The following ZFC3H1 variants were observed in gnomAD, a reference collection of about 807,000 sequenced individuals.
ZFC3H1 encodes the protein zinc finger C3H1-type containing, also known as zinc finger C3H1 domain-containing protein.
A neutral mutation model predicts 243.7 loss-of-function variants in ZFC3H1; 71 were observed. That is an observed-to-expected ratio of 0.29 (90% CI 0.24 to 0.36). The LOEUF is 0.36. ZFC3H1 is among the 10% of genes least tolerant of loss of function. ZFC3H1 has a pLI of 1.00. For missense variants in ZFC3H1, 1,966 were observed against 2,317.1 expected (o/e 0.85, Z 3.11); for synonymous variants, 838 against 813.0 (o/e 1.03, Z -0.52).
intron 1 of ZFC3H1, among the ~76,000 whole-genome samples, chr12:71,658,281 G>C (rs987692113): frequency 3.2e-5 from 4 of 124,968 alleles, no homozygotes; most frequent in African/African-American, 1.0e-4. Flanking sequence ...ATCATTTATA[G>C]ATTTTTTTTT....
In ZFC3H1 at chr12:71,627,911, T is replaced by A; in HGVS notation, c.3970A>T (p.Asn1324Tyr). The A allele has an allele frequency of 1.2e-6, 2 of 1,612,688 alleles. No homozygotes were observed. Among genetic ancestry groups the A allele is most frequent in the Non-Finnish European group, 1.7e-6 (2 of 1,179,652 alleles). Residue 1324 changes from asparagine to tyrosine, a missense_variant, in exon 21 of 35, where the codon AAT becomes TAT. Asn to Tyr is a moderately radical substitution (Grantham distance 143, BLOSUM62 -2). Coordinates refer to ENST00000378743, the MANE Select transcript of ZFC3H1 (RefSeq NM_144982.5). The part of the protein sequence containing the change: ...KYAFQPENQI[N>Y]VPALDTVVTP... Reference sequence around the variant, plus strand: ...ACAACTGTATCCAGAGCTGGAACATTTATTTGGTTCTCTGGCTGGAAAGCT... The same window carrying A: ...ACAACTGTATCCAGAGCTGGAACATATATTTGGTTCTCTGGCTGGAAAGCT...
rs1343578284 is a variant in ZFC3H1 at position 71,645,037 on chromosome 12, C to T, written c.1119G>A (p.Gln373=). The change falls in exon 4 of 35, where the codon CAG becomes CAA. Residue 373 remains glutamine (Q), a synonymous_variant. Transcript: ENST00000378743. ...GEDEEELSEL[Q]LRLLALQSAS... is the part of the protein sequence containing the mutation. ...CTGACTGAAGAGCCAAAAGGCGAAGCTGTAATTCAGATAGTTCCTCTTCAT... is the reference window on the plus strand; with the variant it reads ...CTGACTGAAGAGCCAAAAGGCGAAGTTGTAATTCAGATAGTTCCTCTTCAT... 25 of 1,613,492 alleles carry T rather than the reference C, an allele frequency of 1.5e-5. No homozygotes were observed. The highest frequency in any genetic ancestry group is 7.6e-6 in the Non-Finnish European group (9 of 1,179,958).
chr12:71,647,610 G>A, intron 3 of ZFC3H1, 139 bp downstream of exon 3: 2 of 531,462 alleles, frequency 3.8e-6, no homozygotes, highest in Non-Finnish European at 6.5e-6. Context: ...TTTCTTTAAG[G>A]CTTATGTCCA....
chr12:71,619,250 T>C, intron 27 of ZFC3H1, 65 bp downstream of exon 27: 1 of 1,434,004 alleles, frequency 7.0e-7, no homozygotes, highest in South Asian at 1.4e-5. Flanking sequence ...AGAAAAAAAC[T>C]GTAATCTTTC....
At chr12:71,641,557 C>A (rs1160067924) in intron 6 of ZFC3H1, among the ~76,000 whole-genome samples, 1 of 152,174 alleles carries the variant, frequency 6.6e-6, no homozygotes, top group Non-Finnish European at 1.5e-5. Context: ...CACAGCCAAT[C>A]ACCCCTGAAC....
chr12:71,614,818 G>C lies in ZFC3H1; in HGVS notation c.5360+16C>G. The C allele has an allele frequency of 6.2e-7, 1 of 1,609,472 alleles. No individual in the cohort carries two copies. The highest frequency in any genetic ancestry group is 8.5e-7 in the Non-Finnish European group (1 of 1,177,270). On this transcript the variant is annotated intron_variant, in intron 29 of 34. Coordinates refer to ENST00000378743, the MANE Select transcript of ZFC3H1 (RefSeq NM_144982.5). ...TATCCCCAAATCTCATTCTTATCAAGAAAACCTAAACTTACTCCATCCATA... is the reference window on the plus strand; with the variant it reads ...TATCCCCAAATCTCATTCTTATCAACAAAACCTAAACTTACTCCATCCATA...
At chr12:71,651,319 G>A (rs1592601627) in intron 2 of ZFC3H1, among the ~76,000 whole-genome samples, 1 of 152,076 alleles carries the variant, frequency 6.6e-6, no homozygotes, top group East Asian at 1.9e-4. Context: ...ACACCATGCT[G>A]ACCACCCTAT....
chr12:71,620,019 A>G lies in ZFC3H1; in HGVS notation c.4956T>C (p.His1652=). The change falls in exon 26 of 35, where the codon CAT becomes CAC. Residue 1652 remains histidine, a synonymous_variant. Transcript: ENST00000378743. ...TAAGCCACACTGCTCTGGCTTTGTC[A>G]TGCTGATTTGTTTGCAAATATAATG... The part of the protein sequence containing the change: ...LVALYLQTNQ[H]DKARAVWLTA... 6.2e-7 allele frequency: 1 copy of G among 1,613,764 alleles called. No individual in the cohort carries two copies. Among genetic ancestry groups the G allele is most frequent in the South Asian group, 1.1e-5 (1 of 90,928 alleles).
Position 71,644,109 on chromosome 12 carries a change from T to C in ZFC3H1, c.1489A>G (p.Arg497Gly), listed in dbSNP as rs1329053545. ...GCATTTCTTACTTTACTTCTTGATC[T>C]CCTCTTGCCACCAACCAATTTCATG... ...RFMKLVGGKRRSRSKSSDPDL... is the reference protein window; with the variant it reads ...RFMKLVGGKRGSRSKSSDPDL... Residue 497 changes from arginine (R) to glycine (G), a missense_variant, in exon 5 of 35, where the codon AGA becomes GGA. Coordinates refer to ENST00000378743, the MANE Select transcript of ZFC3H1 (RefSeq NM_144982.5). 1 of 1,611,618 alleles carries C rather than the reference T, an allele frequency of 6.2e-7. No homozygotes were observed. Among genetic ancestry groups the C allele is most frequent in the African/African-American group, 1.3e-5 (1 of 74,824 alleles).
intron 1 of ZFC3H1, among the ~76,000 whole-genome samples, chr12:71,662,297 C>T (rs1038595768): frequency 3.3e-5 from 5 of 152,192 alleles, no homozygotes; most frequent in Non-Finnish European, 7.3e-5. Context: ...TTCCTCCACT[C>T]TAACGTATTA....
rs1160120325 is a variant in ZFC3H1, at chr12:71,663,565, G to C, written c.46C>G (p.Pro16Ala). 5.6e-6 allele frequency: 9 copies of C among 1,612,798 alleles called. No homozygotes were observed. Among genetic ancestry groups the C allele is most frequent in the Non-Finnish European group, 7.6e-6 (9 of 1,180,030 alleles). ...TPAPASSGLS[P>A]KEEGELEDGE... Reference sequence around the variant, plus strand: ...TCTTCAAGCTCCCCTTCTTCCTTCGGCGAGAGGCCACTGGAGGCCGGGGCC... The same window carrying C: ...TCTTCAAGCTCCCCTTCTTCCTTCGCCGAGAGGCCACTGGAGGCCGGGGCC... Residue 16 changes from proline (P) to alanine (A), a missense_variant, in exon 1 of 35, where the codon CCG becomes GCG. Pro to Ala is a conservative substitution (Grantham distance 27, BLOSUM62 -1). Around this residue, in one of 4 missense-constraint regions of ZFC3H1, gnomAD observed 484 missense variants for 449.7 expected, o/e 1.08. Transcript: ENST00000378743.
rs755133496 is a variant in ZFC3H1, at chr12:71,630,711, G to C, written c.3613C>G (p.Gln1205Glu). ...NDDDCQWQHI[Q>E]DYTLSRKQLF... ...TGTTTTCGGCTAAGTGTATAGTCTT[G>C]TATATGCTGCCTAAGATAAAAAAAA... The change falls in exon 18 of 35, where the codon CAA becomes GAA. Residue 1205 changes from glutamine (Q) to glutamate (E), a missense_variant. Gln to Glu is a conservative substitution (Grantham distance 29). This residue lies in a region of ZFC3H1 where 1,383 missense variants were observed against 1,723.7 expected (regional missense o/e 0.80). Transcript: ENST00000378743. 6.2e-7 allele frequency: 1 copy of C among 1,611,060 alleles called. No individual in the cohort carries two copies. Among genetic ancestry groups the C allele is most frequent in the Non-Finnish European group, 8.5e-7 (1 of 1,179,070 alleles).
rs1188152039 is a variant in ZFC3H1 at position 71,638,461 on chromosome 12, G to C, written c.1682C>G (p.Ser561Cys). Residue 561 changes from serine to cysteine, a missense_variant, in exon 7 of 35, where the codon TCT becomes TGT. Physicochemically the swap from Ser to Cys is moderately radical, Grantham distance 112 (BLOSUM62 -1). Transcript: ENST00000378743. ...AGGCAAAGAAAGAGATGGTGCTGGAGAAAAATACCCCAATGAACATTCAGA... is the reference window on the plus strand; with the variant it reads ...AGGCAAAGAAAGAGATGGTGCTGGACAAAAATACCCCAATGAACATTCAGA... Reference protein sequence around the residue: ...FFSECSLGYFSPAPSLSLPPP... With the variant: ...FFSECSLGYFCPAPSLSLPPP... The C allele has an allele frequency of 6.2e-7, 1 of 1,612,944 alleles. No individual in the cohort carries two copies. The highest frequency in any genetic ancestry group is 1.7e-5 in the Admixed American group (1 of 59,888).
intron 20 of ZFC3H1, 102 bp from the exon 21 acceptor site, chr12:71,628,036 A>G (rs2137530286): frequency 6.8e-6 from 8 of 1,168,814 alleles, no homozygotes; most frequent in Non-Finnish European, 9.6e-6. Context: ...TTAAAAACCT[A>G]AAGATTCTAA....
intron 12 of ZFC3H1, 98 bp downstream of exon 12, chr12:71,634,057 A>ATGTATAATCT: frequency 8.1e-7 from 1 of 1,240,434 alleles, no homozygotes; most frequent in Non-Finnish European, 1.1e-6. Context: ...AAGTGAGAAA[A>ATGTATAATCT]TGTATAATCT....
At chr12:71,658,555 C>G (rs990241813) in intron 1 of ZFC3H1, among the ~76,000 whole-genome samples, 1 of 152,040 alleles carries the variant, frequency 6.6e-6, no homozygotes, top group South Asian at 2.1e-4. Context: ...TCCCAAAGTG[C>G]CGGGATTACA....
intron 7 of ZFC3H1, 132 bp from the exon 8 acceptor site, chr12:71,637,191 A>G (rs1880485869): frequency 1.3e-6 from 1 of 761,616 alleles, no homozygotes; most frequent in South Asian, 2.2e-5. Context: ...TAAGCTAAGT[A>G]TATGTTAACC....
chr12:71,637,084 T>C (rs1880482466), intron 7 of ZFC3H1, 25 bp from the exon 8 acceptor site: 2 of 1,586,546 alleles, frequency 1.3e-6, no homozygotes, highest in African/African-American at 1.4e-5. Flanking sequence ...AAGAAAGAAT[T>C]ACAACGCAAA....
intron 2 of ZFC3H1, among the ~76,000 whole-genome samples, chr12:71,653,739 G>A (rs967557201): frequency 1.1e-4 from 16 of 152,252 alleles, no homozygotes; most frequent in African/African-American, 3.6e-4. Flanking sequence ...TTAGGGGCTG[G>A]GTGTGGTGGC....
Sources: allele counts gnomAD v4.1 joint callset (sites outside exome capture counted in the v4.1 genomes callset), GRCh38; gene constraint gnomAD v4.1.1; regional missense constraint gnomAD v4.1.1; transcripts MANE v1.5; gene names NCBI Gene and HGNC (gene_info 2026-07-23, HGNC 2026-07-21).